Variants in PRDM1 observed in about 807,000 individuals in gnomAD.
The protein encoded by PRDM1 is PR domain zinc finger protein 1.
PRDM1 carries 13 observed loss-of-function variants against 62.8 expected under a neutral mutation model. That is an observed-to-expected ratio of 0.21 (90% CI 0.13 to 0.33). PRDM1 has a LOEUF of 0.33. PRDM1 is among the 10% of genes least tolerant of loss of function. The pLI, the probability that PRDM1 is intolerant of heterozygous loss-of-function variation, is 1.00. For synonymous variants in PRDM1, 396 were observed against 417.6 expected, an observed-to-expected ratio of 0.95 and a Z score of 0.63; for missense variants, 895 against 1,058.8, an observed-to-expected ratio of 0.85 and a Z score of 2.15.
Position 105,994,454 on chromosome 6 carries a change from G to C in PRDM1, c.-67+815G>C, listed in dbSNP as rs1772321462. On this transcript the variant is annotated intron_variant, in intron 1 of 6. Transcript: ENST00000652320. The surrounding 1 kb of genome is among the most constrained non-coding windows in gnomAD (Gnocchi z 4.1). ...GGGGACGCGTGACAGCGCGGGGATA[G>C]CTTTTCTATTACGTTTCTTGTTCTC... 6.6e-6 allele frequency among the ~76,000 whole-genome samples: 1 copy of C among 152,164 alleles called. No individual in the cohort carries two copies. Among genetic ancestry groups the C allele is most frequent in the Non-Finnish European group, 1.5e-5 (1 of 68,032 alleles).
chr6:106,053,883 G>A (rs981048827), intron 1 of PRDM1, among the ~76,000 whole-genome samples: 1 of 140,948 alleles, frequency 7.1e-6, no homozygotes, highest in East Asian at 2.1e-4. Context: ...TCATGCCTTA[G>A]AGCATCCTTA....
chr6:106,005,118 T>C (rs1582422837), intron 1 of PRDM1, among the ~76,000 whole-genome samples: 2 of 152,242 alleles, frequency 1.3e-5, no homozygotes, highest in East Asian at 3.8e-4. Context: ...TCTTTGACAG[T>C]GTTTAAACAC....
intron 1 of PRDM1, among the ~76,000 whole-genome samples, chr6:106,021,767 C>T (rs887544696): frequency 6.6e-6 from 1 of 152,062 alleles, no homozygotes; most frequent in Admixed American, 6.5e-5. Flanking sequence ...ATTACAGGCA[C>T]GCGCCACCAC....
chr6:106,074,863 A>G (rs1452297766), intron 1 of PRDM1, among the ~76,000 whole-genome samples: 1 of 152,132 alleles, frequency 6.6e-6, no homozygotes, highest in East Asian at 1.9e-4. Context: ...GTTCCCAGCT[A>G]CTCAAGAGGC....
intron 1 of PRDM1, among the ~76,000 whole-genome samples, chr6:106,026,073 A>G (rs1319671139): frequency 6.6e-6 from 1 of 152,228 alleles, no homozygotes; most frequent in Non-Finnish European, 1.5e-5. Flanking sequence ...TGTGAGTGAT[A>G]TTAAGGAAAT....
chr6:105,998,328 G>T (rs1341357534), intron 1 of PRDM1, among the ~76,000 whole-genome samples: 1 of 152,100 alleles, frequency 6.6e-6, no homozygotes, highest in Non-Finnish European at 1.5e-5. Context: ...GAAGCAGGAG[G>T]ATTGTTTGAG....
chr6:106,072,556 T>A (rs1773535799), intron 1 of PRDM1, among the ~76,000 whole-genome samples: 1 of 152,244 alleles, frequency 6.6e-6, no homozygotes, highest in Admixed American at 6.5e-5. Context: ...CCACAGTTAG[T>A]CCCACAGTCT....
chr6:106,025,890 C>G lies in PRDM1; in HGVS notation c.-67+32251C>G, dbSNP rs549490639. Among the ~76,000 whole-genome samples, 5 of 152,266 alleles carry G rather than the reference C, an allele frequency of 3.3e-5. No individual in the cohort carries two copies. In the South Asian group the frequency reaches 1.0e-3, roughly 32 times the overall value. On this transcript the variant is annotated intron_variant, in intron 1 of 6. Transcript: ENST00000652320. Reference sequence around the variant, plus strand: ...GACTAAAAGTTGGCAATCTCATATACAGGGGACTCATAAGTTTTGAAACAG... The same window carrying G: ...GACTAAAAGTTGGCAATCTCATATAGAGGGGACTCATAAGTTTTGAAACAG...
chr6:106,106,354 A>ATG lies in PRDM1; in HGVS notation c.1774-14_1774-13dup. On this transcript the variant is annotated splice_polypyrimidine_tract_variant and intron_variant, in intron 5 of 6. Transcript: ENST00000369096. The surrounding 1 kb of genome is among the most constrained non-coding windows in gnomAD (Gnocchi z 4.4). ...GCCAGCTTGAGAGCAGAGCTAACAC[A>ATG]TGTGGCTTCTTCCCAGGTCCACCTG... The ATG allele has an allele frequency of 2.5e-6, 4 of 1,614,002 alleles. No homozygotes were observed. Among genetic ancestry groups the ATG allele is most frequent in the Non-Finnish European group, 3.4e-6 (4 of 1,179,910 alleles).
chr6:106,086,584 G>A lies in PRDM1; in HGVS notation c.31G>A (p.Gly11Ser). Residue 11 changes from glycine (G) to serine (S), a missense_variant, in exon 1 of 7, where the codon GGT (glycine) becomes AGT (serine). By Grantham distance (56) the Gly-to-Ser change is moderately conservative (BLOSUM62 0). This residue lies in a region of PRDM1 where 213 missense variants were observed against 283.9 expected (regional missense o/e 0.75). Coordinates refer to ENST00000369096, the MANE Select transcript of PRDM1 (RefSeq NM_001198.4). ...GGATATTTGCTTGGAAAAACGTGTG[G>A]GTACGACCTTGGTAAGGAACTTGAA... Reference protein sequence around the residue: MLDICLEKRVGTTLAAPKCNS... With the variant: MLDICLEKRVSTTLAAPKCNS... 1 of 1,551,738 alleles carries A rather than the reference G, an allele frequency of 6.4e-7. No individual in the cohort carries two copies. Among genetic ancestry groups the A allele is most frequent in the Non-Finnish European group, 8.7e-7 (1 of 1,146,620 alleles).
intron 1 of PRDM1, among the ~76,000 whole-genome samples, chr6:106,000,621 T>C (rs567931683): frequency 1.1e-4 from 17 of 152,242 alleles, no homozygotes; most frequent in Middle Eastern, 3.4e-3. Context: ...TTTATATTTG[T>C]ATGTATAGTA....
intron 1 of PRDM1, among the ~76,000 whole-genome samples, chr6:106,034,326 C>CTT (rs1490186585): frequency 1.3e-5 from 2 of 151,692 alleles, no homozygotes; most frequent in Non-Finnish European, 1.5e-5. Context: ...TTCCTAGTTA[C>CTT]TTAAGTTATA....
intron 1 of PRDM1, among the ~76,000 whole-genome samples, chr6:106,059,022 T>C (rs1362955493): frequency 6.6e-6 from 1 of 152,142 alleles, no homozygotes; most frequent in Admixed American, 6.5e-5. Flanking sequence ...CTACAAATAT[T>C]TCTTGAGTAC....
intron 1 of PRDM1, among the ~76,000 whole-genome samples, chr6:106,027,277 G>A (rs1032131116): frequency 2.0e-5 from 3 of 152,226 alleles, no homozygotes; most frequent in Non-Finnish European, 4.4e-5. Context: ...AGTATTAAGT[G>A]TGCTTCATTC....
intron 1 of PRDM1, among the ~76,000 whole-genome samples, chr6:106,016,372 A>T (rs1772620056): frequency 1.3e-5 from 2 of 152,178 alleles, no homozygotes; most frequent in South Asian, 4.2e-4. Flanking sequence ...AAAAATTTAT[A>T]TTATTTACAT....
chr6:106,099,281 T>C lies in PRDM1; in HGVS notation c.412-19T>C. 6.2e-7 allele frequency: 1 copy of C among 1,613,246 alleles called. No homozygotes were observed. The highest frequency in any genetic ancestry group is 8.5e-7 in the Non-Finnish European group (1 of 1,179,250). ...TGGGTCTGACTTCCTTTTACATGCC[T>C]GTCTTCTCTTTTGGACAGATCTATT... On this transcript the variant is annotated intron_variant, in intron 3 of 6. Transcript: ENST00000369096.
At position 105,994,221 on chromosome 6, in the gene PRDM1, G is replaced by C. The variant is rs6568423; in HGVS notation, c.-67+582G>C. 0.23 allele frequency among the ~76,000 whole-genome samples: 34,841 copies of C among 152,072 alleles called. 4,366 individuals are homozygous for C. The highest frequency in any genetic ancestry group is 0.35 in the Middle Eastern group (103 of 294). ...GCGGTCGCCGAAGACGCCGGGAGGC[G>C]AGGGGCGAGGTAAGACGCCGCCTAA... is the stretch of plus-strand genomic sequence containing the variant. On this transcript the variant is annotated intron_variant, in intron 1 of 6. Coordinates refer to the PRDM1 transcript ENST00000652320. This position sits in a 1 kb window ranked among gnomAD's most constrained non-coding sequence, Gnocchi z 4.1.
At chr6:106,087,214 G>A (rs1490835270) in intron 1 of PRDM1, among the ~76,000 whole-genome samples, 1 of 152,122 alleles carries the variant, frequency 6.6e-6, no homozygotes, top group South Asian at 2.1e-4. Flanking sequence ...GTGTGAGGGA[G>A]GATTTTGGGG....
At chr6:106,048,847 G>C (rs148256856) in intron 1 of PRDM1, among the ~76,000 whole-genome samples, 25 of 149,648 alleles carry the variant, frequency 1.7e-4, no homozygotes, top group African/African-American at 5.7e-4. Flanking sequence ...TTTTCTTTCT[G>C]AGACAGAGTC....
Sources: gnomAD v4.1 joint callset for allele counts (sites outside exome capture counted in the v4.1 genomes callset) on GRCh38, gnomAD v4.1.1 for gene constraint, gnomAD v4.1.1 regional missense constraint, Gnocchi (gnomAD v3.1) non-coding constraint, MANE v1.5 for transcripts, NCBI Gene and HGNC (gene_info 2026-07-23, HGNC 2026-07-21) for gene names.